The following SDK1 variants were observed in gnomAD, a reference collection of about 807,000 sequenced individuals.
SDK1 encodes the protein sidekick cell adhesion molecule 1.
SDK1 carries 157 observed loss-of-function variants against 245.5 expected under a neutral mutation model. The ratio of observed to expected loss-of-function variants is 0.64; its 90% CI spans 0.56 to 0.73. The LOEUF is 0.73. Ranked by LOEUF, SDK1 falls within the 30% of genes least tolerant of loss-of-function variation. The pLI is 0.00. For missense variants in SDK1, 3,583 were observed against 3,002.3 expected (o/e 1.19, Z -4.52); for synonymous variants, 1,647 against 1,278.5 (o/e 1.29, Z -6.15).
rs540765456 is a variant in SDK1 at position 3,334,266 on chromosome 7, C to T, written c.298+32382C>T. On this transcript the variant is annotated intron_variant, in intron 1 of 44. Coordinates refer to ENST00000404826, the MANE Select transcript of SDK1 (RefSeq NM_152744.4). ...GGCTCTTCAAGATTGTTTTGTAGTC[C>T]TTTCACCTTTCCTTGATAGGTTGAC... is the stretch of plus-strand genomic sequence containing the variant. Among the ~76,000 whole-genome samples the T allele has an allele frequency of 5.3e-5, 8 of 152,272 alleles. No individual in the cohort carries two copies. The South Asian group carries it at 1.2e-3, about 24-fold the overall frequency.
In SDK1 at chr7:3,541,912, A is replaced by G. The variant is rs191304467; in HGVS notation, c.299-77168A>G. ...AGAGGAACAAAAAATAAAATTCTTT[A>G]AGAGAAGAAGGACTAGATATGTCCG... On this transcript the variant is annotated intron_variant, in intron 1 of 44. Transcript: ENST00000404826. 2.4e-3 allele frequency among the ~76,000 whole-genome samples: 372 copies of G among 152,334 alleles called. 3 individuals carry two copies. Among genetic ancestry groups the G allele is most frequent in the South Asian group, 0.018 (87 of 4,830 alleles).
At chr7:3,578,086 G>A (rs892725873) in intron 1 of SDK1, among the ~76,000 whole-genome samples, 2 of 151,506 alleles carry the variant, frequency 1.3e-5, no homozygotes, top group African/African-American at 2.4e-5. Context: ...TCTCTAATTT[G>A]CATTATTTTT....
chr7:3,771,322 C>G (rs1341042184), intron 4 of SDK1, among the ~76,000 whole-genome samples: 2 of 152,038 alleles, frequency 1.3e-5, no homozygotes, highest in Admixed American at 1.3e-4. Context: ...TCGAGTGAAC[C>G]AAAGCAAGTC....
rs535803147 is a variant in SDK1 at position 3,880,735 on chromosome 7, C to A, written c.847+59152C>A. ...GGTGGAGCTGACCCAGCCTTCACTTCACTGAAAGACAAACCAGACGGGCTG... is the reference window on the plus strand; with the variant it reads ...GGTGGAGCTGACCCAGCCTTCACTTAACTGAAAGACAAACCAGACGGGCTG... On this transcript the variant is annotated intron_variant, in intron 5 of 44. Transcript: ENST00000404826. 3.3e-5 allele frequency among the ~76,000 whole-genome samples: 5 copies of A among 152,218 alleles called. No homozygotes were observed. In the South Asian group the frequency reaches 1.0e-3, roughly 32 times the overall value.
chr7:3,958,285 C>A (rs1781419096), intron 7 of SDK1: 3 of 283,542 alleles, frequency 1.1e-5, no homozygotes, highest in South Asian at 9.1e-5. Flanking sequence ...AAAAATGTTG[C>A]AATTGGCTCT....
At chr7:3,475,619 C>G (rs1160985996) in intron 1 of SDK1, among the ~76,000 whole-genome samples, 2 of 152,110 alleles carry the variant, frequency 1.3e-5, no homozygotes, top group South Asian at 2.1e-4. Context: ...GTATAAAAAT[C>G]AAATGACATG....
chr7:3,639,147 A>C, intron 3 of SDK1, 37 bp downstream of exon 3: 2 of 1,230,398 alleles, frequency 1.6e-6, no homozygotes, highest in Non-Finnish European at 2.3e-6. Flanking sequence ...AATGTTAAAG[A>C]ACAAAGTGTC....
In SDK1 at chr7:4,227,021, AC is replaced by A. The variant is rs1024336270; in HGVS notation, c.5827+5663del. Reference sequence around the variant, plus strand: ...GACAGGTCCCGTGCCTGATGGGGACACCCCCCAGCCGGAGGCCTGGACTGCT... The same window carrying A: ...GACAGGTCCCGTGCCTGATGGGGACACCCCCAGCCGGAGGCCTGGACTGCT... On this transcript the variant is annotated intron_variant, in intron 40 of 44. Transcript: ENST00000404826. The A allele has an allele frequency of 5.1e-5, 9 of 176,516 alleles. No homozygotes were observed. In the East Asian group the frequency reaches 8.1e-4, roughly 16 times the overall value. The allele number at this position is 176,516 out of a possible 1,614,324, so 10.9% of individuals were successfully genotyped here.
intron 1 of SDK1, among the ~76,000 whole-genome samples, chr7:3,478,323 T>C (rs1781408208): frequency 6.6e-6 from 1 of 152,102 alleles, no homozygotes; most frequent in African/African-American, 2.4e-5. Flanking sequence ...TTTTTTGAGA[T>C]AGATTCACTC....
intron 19 of SDK1, among the ~76,000 whole-genome samples, chr7:4,063,287 G>A (rs572029584): frequency 1.3e-5 from 2 of 152,236 alleles, no homozygotes; most frequent in East Asian, 1.9e-4. Flanking sequence ...AAAATCAGTA[G>A]CATTTCTATA....
chr7:3,385,305 A>T (rs1562454763), intron 1 of SDK1, among the ~76,000 whole-genome samples: 1 of 152,210 alleles, frequency 6.6e-6, no homozygotes, highest in Admixed American at 6.5e-5. Context: ...TGAATGTATT[A>T]TCCTGATACA....
chr7:4,216,678 A>T (rs976107914), intron 38 of SDK1, among the ~76,000 whole-genome samples: 1 of 152,168 alleles, frequency 6.6e-6, no homozygotes, highest in Non-Finnish European at 1.5e-5. Context: ...CAGTGATCTC[A>T]CCTGGTAGGG....
intron 1 of SDK1, among the ~76,000 whole-genome samples, chr7:3,381,517 G>A (rs1178287119): frequency 1.3e-5 from 2 of 152,126 alleles, no homozygotes; most frequent in African/African-American, 4.8e-5. Flanking sequence ...AGTGACCTGA[G>A]GGAGACTGGG....
chr7:3,305,492 C>A (rs1334624419), intron 1 of SDK1, among the ~76,000 whole-genome samples: 1 of 152,174 alleles, frequency 6.6e-6, no homozygotes, highest in Non-Finnish European at 1.5e-5. Context: ...CACTTGTTTG[C>A]TAGAGTGTTG....
chr7:3,794,137 T>G (rs1376520752), intron 4 of SDK1, among the ~76,000 whole-genome samples: 1 of 152,172 alleles, frequency 6.6e-6, no homozygotes, highest in Non-Finnish European at 1.5e-5. Context: ...AAAAGTATCA[T>G]GAGGTATTTC....
At chr7:3,626,193 G>A (rs979574675) in intron 2 of SDK1, among the ~76,000 whole-genome samples, 1 of 151,838 alleles carries the variant, frequency 6.6e-6, no homozygotes, top group Admixed American at 6.6e-5. Context: ...TCCTGCCTTG[G>A]TCTCCCAAAG....
intron 35 of SDK1, among the ~76,000 whole-genome samples, chr7:4,185,222 C>T (rs1264139505): frequency 6.6e-6 from 1 of 152,140 alleles, no homozygotes; most frequent in African/African-American, 2.4e-5. Flanking sequence ...GACTAGGTGG[C>T]CAGAAATTTT....
chr7:4,054,369 C>G (rs536813970), intron 19 of SDK1, among the ~76,000 whole-genome samples: 1 of 152,332 alleles, frequency 6.6e-6, no homozygotes, highest in South Asian at 2.1e-4. Context: ...TATTGCATCA[C>G]GTCCAGGATA....
intron 14 of SDK1, among the ~76,000 whole-genome samples, chr7:4,007,446 CGAGGACAGAGCTGGATAGG>C (rs1403416492): frequency 6.6e-6 from 1 of 152,032 alleles, no homozygotes; most frequent in Non-Finnish European, 1.5e-5. Flanking sequence ...GCAGGAGTCC[CGAGGACAGAGCTGGATAGG>C]GAGGGCGGAG....
Sources: gnomAD v4.1 joint callset for allele counts (sites outside exome capture counted in the v4.1 genomes callset) on GRCh38, gnomAD v4.1.1 for gene constraint, MANE v1.5 for transcripts, NCBI Gene and HGNC (gene_info 2026-07-23, HGNC 2026-07-21) for gene names.